Variants in NPFFR1 observed in about 807,000 individuals in gnomAD.
NPFFR1 encodes the protein G-protein coupled receptor 147.
Under a neutral mutation model 12.7 loss-of-function variants are expected in NPFFR1, and 17 were observed. The ratio of observed to expected loss-of-function variants is 1.34; its 90% CI spans 0.92 to 2.01. The LOEUF (loss-of-function observed/expected upper bound fraction) is 2.01. Ranked by LOEUF, NPFFR1 falls within the 30% of genes most tolerant of loss-of-function variation. The probability of loss-of-function intolerance (pLI) is 0.00; values close to 1 mark genes in which losing one functional copy is unlikely to be tolerated. For synonymous variants in NPFFR1, 296 were observed against 264.5 expected (o/e 1.12, Z -1.16); for missense variants, 604 against 606.5 (o/e 1.00, Z 0.04).
intron 1 of NPFFR1, among the ~76,000 whole-genome samples, chr10:70,272,248 A>AAAGG (rs1840758312): frequency 2.6e-5 from 3 of 114,336 alleles, no homozygotes; most frequent in Admixed American, 8.4e-5. Flanking sequence ...AAGAAAGAAG[A>AAAGG]AAGAAGAAAG....
intron 2 of NPFFR1, among the ~76,000 whole-genome samples, chr10:70,263,059 G>A (rs537230179): frequency 3.3e-5 from 5 of 152,100 alleles, no homozygotes; most frequent in African/African-American, 1.2e-4. Context: ...CCCAGCTACT[G>A]GGGAGGCTGA....
At chr10:70,275,205 G>A (rs1442113733) in intron 1 of NPFFR1, among the ~76,000 whole-genome samples, 1 of 152,192 alleles carries the variant, frequency 6.6e-6, no homozygotes, top group Non-Finnish European at 1.5e-5. Context: ...CTACTCTGAG[G>A]CCTTTTTATT....
intron 3 of NPFFR1, among the ~76,000 whole-genome samples, chr10:70,256,606 G>A (rs1288482397): frequency 1.3e-5 from 2 of 152,174 alleles, no homozygotes; most frequent in Non-Finnish European, 2.9e-5. Context: ...GGACAAGTCT[G>A]CACCATTTAT....
intron 2 of NPFFR1, among the ~76,000 whole-genome samples, chr10:70,265,387 G>GAGAGAGT (rs901781800): frequency 5.3e-5 from 8 of 152,234 alleles, no homozygotes; most frequent in African/African-American, 1.4e-4. Flanking sequence ...CCAGTCGCAT[G>GAGAGAGT]AGAGAGTAGA....
chr10:70,265,980 C>T, intron 2 of NPFFR1, 97 bp downstream of exon 2: 1 of 1,192,866 alleles, frequency 8.4e-7, no homozygotes, highest in Non-Finnish European at 1.2e-6. Context: ...GCCAGCCCAG[C>T]AATGATATCT....
chr10:70,257,424 A>C (rs1156869182), intron 3 of NPFFR1, among the ~76,000 whole-genome samples: 1 of 152,262 alleles, frequency 6.6e-6, no homozygotes. Flanking sequence ...TGTGCAGGAC[A>C]TGCCTTGTTA....
rs34524848 is a variant in NPFFR1, at chr10:70,249,913, C to CT, written c.*5043dup. On this transcript the variant is annotated 3_prime_UTR_variant, in exon 4 of 4. Transcript: ENST00000277942. ...ATTTTCTTTTCTTCTTTCTTTCTTT[C>CT]TTTTTTTTTTTTTTTTTGAGACAGT... The CT allele has an allele frequency of 0.1, 13,161 of 128,478 alleles. 919 individuals are homozygous for CT. The highest frequency in any genetic ancestry group is 0.2 in the African/African-American group (6,696 of 33,660). The allele number at this position is 128,478 out of a possible 1,614,324, so 8.0% of individuals were successfully genotyped here.
intron 1 of NPFFR1, among the ~76,000 whole-genome samples, chr10:70,282,259 G>C (rs528594063): frequency 3.2e-4 from 49 of 152,182 alleles, no homozygotes; most frequent in Admixed American, 1.2e-3. Context: ...AAGTAAAATT[G>C]CCTGTATCTT....
At chr10:70,261,599 C>T (rs376751425) in intron 2 of NPFFR1, among the ~76,000 whole-genome samples, 110 of 152,258 alleles carry the variant, frequency 7.2e-4, no homozygotes, top group Admixed American at 1.9e-3. Flanking sequence ...TTAGACCGTC[C>T]AGCCCTGCCT....
chr10:70,279,403 T>A (rs1166843421), intron 1 of NPFFR1, among the ~76,000 whole-genome samples: 2 of 152,114 alleles, frequency 1.3e-5, no homozygotes, highest in Non-Finnish European at 2.9e-5. Context: ...TGCCTCAGCC[T>A]CCCAAAGTGC....
intron 1 of NPFFR1, among the ~76,000 whole-genome samples, chr10:70,272,244 G>GGAAGAAAGAAAGA (rs1840757340): frequency 3.1e-5 from 2 of 64,406 alleles, no homozygotes. Flanking sequence ...AAGAAAGAAA[G>GGAAGAAAGAAAGA]AAGAAAGAAG....
chr10:70,262,680 A>T (rs1840646320), intron 2 of NPFFR1, among the ~76,000 whole-genome samples: 1 of 152,256 alleles, frequency 6.6e-6, no homozygotes, highest in Non-Finnish European at 1.5e-5. Flanking sequence ...AATCTGTGAC[A>T]GTGGGTTAGA....
rs1442136361 is a variant in NPFFR1, at chr10:70,254,403, G to A, written c.*554C>T. On this transcript the variant is annotated 3_prime_UTR_variant, in exon 4 of 4. Transcript: ENST00000277942. ...GTGTTCTTCTAGAAAAGGATCAAGG[G>A]GAGTGGCTTCAGTAACGGAACATGA... is the stretch of plus-strand genomic sequence containing the variant. 2 of 152,432 alleles carry A rather than the reference G, an allele frequency of 1.3e-5. No individual in the cohort carries two copies. Among genetic ancestry groups the A allele is most frequent in the East Asian group, 3.8e-4 (2 of 5,200 alleles). The allele number at this position is 152,432 out of a possible 1,614,324, so 9.4% of individuals were successfully genotyped here. A position where few individuals can be genotyped will look rare whatever the true frequency, so the allele number is the denominator to read the frequency against.
intron 1 of NPFFR1, among the ~76,000 whole-genome samples, chr10:70,276,041 T>C (rs1264742337): frequency 6.6e-6 from 1 of 152,152 alleles, no homozygotes; most frequent in Non-Finnish European, 1.5e-5. Flanking sequence ...CATTTTCTCA[T>C]CCTCTTTGGG....
chr10:70,264,623 G>A (rs919130358), intron 2 of NPFFR1, among the ~76,000 whole-genome samples: 1 of 152,086 alleles, frequency 6.6e-6, no homozygotes, highest in African/African-American at 2.4e-5. Flanking sequence ...AGTGGGGTGT[G>A]GTGGGAAGTA....
intron 1 of NPFFR1, among the ~76,000 whole-genome samples, chr10:70,280,657 A>G (rs1840851047): frequency 6.6e-6 from 1 of 152,190 alleles, no homozygotes. Flanking sequence ...AATGAACAAT[A>G]CATTATTTTC....
rs1312614547 is a variant in NPFFR1, at chr10:70,248,669, A to G, written c.*6288T>C. On this transcript the variant is annotated 3_prime_UTR_variant, in exon 4 of 4. Transcript: ENST00000277942. The stretch of plus-strand genomic sequence containing the variant: ...CTTGGCTAATTTTTGTATTTTTAAT[A>G]GAGATGGGGTTTCACCATGTTAGCC... The G allele has an allele frequency of 1.3e-5, 2 of 151,624 alleles. No homozygotes were observed. The highest frequency in any genetic ancestry group is 1.9e-4 in the East Asian group (1 of 5,160). 9.4% of individuals were successfully genotyped at this position (151,624 alleles called of 1,614,324 possible).
At position 70,252,609 on chromosome 10, in the gene NPFFR1, T is replaced by C. The variant is rs1376995858; in HGVS notation, c.*2348A>G. On this transcript the variant is annotated 3_prime_UTR_variant, in exon 4 of 4. Transcript: ENST00000277942. ...ATGTCTCACTGCTTCATTAAAGCAT[T>C]GTCATGCCTGTTATCACTCAGATCT... 6.6e-6 allele frequency: 1 copy of C among 152,252 alleles called. No homozygotes were observed. Among genetic ancestry groups the C allele is most frequent in the African/African-American group, 2.4e-5 (1 of 41,462 alleles). The allele number at this position is 152,252 out of a possible 1,614,324, so 9.4% of individuals were successfully genotyped here.
rs572998920 is a variant in NPFFR1 at position 70,251,637 on chromosome 10, A to G, written c.*3320T>C. ...CTCTGGCCCTTTTCCCCCATCACGC[A>G]TGCCGTTCATCTCCGAACTTGCCGC... On this transcript the variant is annotated 3_prime_UTR_variant, in exon 4 of 4. Transcript: ENST00000277942. 5 of 152,296 alleles carry G rather than the reference A, an allele frequency of 3.3e-5. No individual in the cohort carries two copies. Among genetic ancestry groups the G allele is most frequent in the East Asian group, 3.9e-4 (2 of 5,172 alleles). 9.4% of individuals were successfully genotyped at this position (152,296 alleles called of 1,614,324 possible).
Sources: gnomAD v4.1 joint callset for allele counts (sites outside exome capture counted in the v4.1 genomes callset) on GRCh38, gnomAD v4.1.1 for gene constraint, MANE v1.5 for transcripts, NCBI Gene and HGNC (gene_info 2026-07-23, HGNC 2026-07-21) for gene names.